Variants in ABCG1 observed in about 807,000 individuals in gnomAD.
ABCG1 encodes ATP-binding cassette sub-family G member 1.
ABCG1 carries 29 observed loss-of-function variants against 69.2 expected under a neutral mutation model. The ratio of observed to expected loss-of-function variants is 0.42; its 90% CI spans 0.31 to 0.57. The LOEUF (loss-of-function observed/expected upper bound fraction) is 0.57, where lower values mean the gene tolerates loss of function less well. Ranked by LOEUF, ABCG1 falls within the 20% of genes least tolerant of loss-of-function variation. The pLI is 0.15. For missense variants in ABCG1, 718 were observed against 898.1 expected, an observed-to-expected ratio of 0.80 and a Z score of 2.56; for synonymous variants, 370 against 374.8, an observed-to-expected ratio of 0.99 and a Z score of 0.15.
At chr21:42,214,292 C>T (rs368116396), upstream of ABCG1, among the ~76,000 whole-genome samples, 6 of 152,328 alleles carry the variant, frequency 3.9e-5, no homozygotes, top group Middle Eastern at 3.4e-3. Flanking sequence ...GACACAGAGG[C>T]GCCATCTATG....
At chr21:42,260,445 G>A (rs1224558294) in intron 2 of ABCG1, among the ~76,000 whole-genome samples, 1 of 152,120 alleles carries the variant, frequency 6.6e-6, no homozygotes, top group East Asian at 1.9e-4. Flanking sequence ...ATTTTGTTTG[G>A]GTTCTTTTGA....
In ABCG1 at chr21:42,277,070, G is replaced by A. The variant is rs112352275; in HGVS notation, c.588+125G>A. Reference sequence around the variant, plus strand: ...TTGATTTGTTTTTGCCTTGCCTTCCGTGTGTGGGACAGGCAACATTTCAGG... The same window carrying A: ...TTGATTTGTTTTTGCCTTGCCTTCCATGTGTGGGACAGGCAACATTTCAGG... On this transcript the variant is annotated intron_variant, in intron 5 of 14. Coordinates refer to ENST00000398449, the MANE Select transcript of ABCG1 (RefSeq NM_016818.3). 15,736 of 1,024,960 alleles carry A rather than the reference G, an allele frequency of 0.015. 335 individuals carry two copies. Among genetic ancestry groups the A allele is most frequent in the African/African-American group, 0.085 (5,417 of 63,858 alleles). The allele number at this position is 1,024,960 out of a possible 1,614,324, so 63.5% of individuals were successfully genotyped here.
Position 42,287,436 on chromosome 21 carries a change from T to C in ABCG1, c.974-453T>C, listed in dbSNP as rs77352021. ...AGGGTGCCAGCCACTCATGTGGCGA[T>C]GGGCACGTCCTTCTCTGCCATCTTG... On this transcript the variant is annotated intron_variant, in intron 8 of 14. Transcript: ENST00000398449. This position sits in a 1 kb window ranked among gnomAD's most constrained non-coding sequence, Gnocchi z 6.2. 0.091 allele frequency among the ~76,000 whole-genome samples: 13,896 copies of C among 152,184 alleles called. 726 individuals carry two copies. Among genetic ancestry groups the C allele is most frequent in the Middle Eastern group, 0.12 (35 of 294 alleles).
chr21:42,251,445 C>G (rs945989221), intron 2 of ABCG1, among the ~76,000 whole-genome samples: 1 of 152,178 alleles, frequency 6.6e-6, no homozygotes, highest in African/African-American at 2.4e-5. Context: ...AATAAGGACT[C>G]GATGTAGGAT....
chr21:42,269,629 G>C (rs1009151735), intron 2 of ABCG1, among the ~76,000 whole-genome samples: 2 of 152,234 alleles, frequency 1.3e-5, no homozygotes, highest in African/African-American at 4.8e-5. Flanking sequence ...GCAGTCCCAA[G>C]CTTCCTGACT....
Position 42,291,381 on chromosome 21 carries a change from C to G in ABCG1, c.1495-117C>G, listed in dbSNP as rs1601457441. ...GAGCTGTGGGGAGTGGGGAAGGACC[C>G]GACTTTGGGAGCTCTGGCGGGAGCT... On this transcript the variant is annotated intron_variant, in intron 12 of 14. Coordinates refer to ENST00000398449, the MANE Select transcript of ABCG1 (RefSeq NM_016818.3). The surrounding 1 kb of genome is among the most constrained non-coding windows in gnomAD (Gnocchi z 6.4). 2 of 1,432,216 alleles carry G rather than the reference C, an allele frequency of 1.4e-6. No homozygotes were observed. The highest frequency in any genetic ancestry group is 1.4e-5 in the African/African-American group (1 of 71,060). The allele number at this position is 1,432,216 out of a possible 1,614,324, so 88.7% of individuals were successfully genotyped here. A position where few individuals can be genotyped will look rare whatever the true frequency, so the allele number is the denominator to read the frequency against.
chr21:42,237,476 C>T (rs897246218), intron 2 of ABCG1, among the ~76,000 whole-genome samples: 3 of 152,218 alleles, frequency 2.0e-5, no homozygotes, highest in African/African-American at 7.2e-5. Flanking sequence ...CTTGGTTACT[C>T]TTCGTACTCC....
chr21:42,289,912 A>G, intron 10 of ABCG1, 138 bp from the exon 11 acceptor site: 1 of 896,996 alleles, frequency 1.1e-6, no homozygotes. Context: ...GTTTCTCTGG[A>G]GGAGAAGACA....
intron 2 of ABCG1, among the ~76,000 whole-genome samples, chr21:42,246,072 A>G (rs187442495): frequency 1.5e-3 from 236 of 152,306 alleles, no homozygotes; most frequent in African/African-American, 5.4e-3. Flanking sequence ...AGGTGGCAAG[A>G]GCCAGCTGAT....
At chr21:42,222,243 C>T (rs548598730) in intron 1 of ABCG1, among the ~76,000 whole-genome samples, 34 of 152,284 alleles carry the variant, frequency 2.2e-4, no homozygotes, top group African/African-American at 6.5e-4. Flanking sequence ...CCTACATTGC[C>T]GGCAGCTCTC....
At chr21:42,280,160 G>T (rs1420616832) in intron 5 of ABCG1, among the ~76,000 whole-genome samples, 6 of 152,232 alleles carry the variant, frequency 3.9e-5, no homozygotes, top group African/African-American at 9.6e-5. Flanking sequence ...CATGGCACAG[G>T]TGCATGCCTC....
chr21:42,232,983 G>A (rs377752140), intron 2 of ABCG1, among the ~76,000 whole-genome samples: 11 of 152,328 alleles, frequency 7.2e-5, no homozygotes, highest in Admixed American at 2.6e-4. Flanking sequence ...TGTCATGGAG[G>A]TGCATTCATC....
chr21:42,251,929 C>T (rs991882260), intron 2 of ABCG1, among the ~76,000 whole-genome samples: 9 of 152,230 alleles, frequency 5.9e-5, no homozygotes, highest in Non-Finnish European at 8.8e-5. Context: ...GCATCATCTC[C>T]GTGTCCGTCG....
chr21:42,241,961 G>A (rs1209747250), intron 2 of ABCG1, among the ~76,000 whole-genome samples: 1 of 129,022 alleles, frequency 7.8e-6, no homozygotes, highest in African/African-American at 3.1e-5. Flanking sequence ...CTGGACAACA[G>A]AGCAAGACCC....
At chr21:42,211,903 A>AAAAAC (rs755546108), upstream of ABCG1, among the ~76,000 whole-genome samples, 8 of 152,182 alleles carry the variant, frequency 5.3e-5, no homozygotes, top group South Asian at 2.1e-4. Flanking sequence ...ACAAAAATCA[A>AAAAAC]AAAACAAAAC....
At chr21:42,227,458 CGTCT>C (rs998780687) in intron 2 of ABCG1, among the ~76,000 whole-genome samples, 11 of 152,160 alleles carry the variant, frequency 7.2e-5, no homozygotes, top group African/African-American at 2.7e-4. Context: ...GATTCCTGTC[CGTCT>C]GTTATGTGTG....
chr21:42,205,019 T>G (rs1193600070), intron 2 of ABCG1, among the ~76,000 whole-genome samples: 1 of 131,356 alleles, frequency 7.6e-6, no homozygotes, highest in Non-Finnish European at 1.6e-5. Flanking sequence ...GTTTTTGTTG[T>G]TTTTTTTTTT....
At chr21:42,202,485 G>T (rs967048642) in intron 2 of ABCG1, among the ~76,000 whole-genome samples, 1 of 152,046 alleles carries the variant, frequency 6.6e-6, no homozygotes, top group Non-Finnish European at 1.5e-5. Flanking sequence ...GTTAGAGGAG[G>T]GGTGTGATCT....
At chr21:42,209,897 C>T (rs1010872253) in intron 2 of ABCG1, among the ~76,000 whole-genome samples, 5 of 152,176 alleles carry the variant, frequency 3.3e-5, no homozygotes, top group Non-Finnish European at 7.3e-5. Flanking sequence ...TTTAAAGAGC[C>T]GCCATCTGGC....
Sources: allele counts gnomAD v4.1 joint callset (sites outside exome capture counted in the v4.1 genomes callset), GRCh38; gene constraint gnomAD v4.1.1; non-coding constraint Gnocchi (gnomAD v3.1); transcripts MANE v1.5; gene names NCBI Gene and HGNC (gene_info 2026-07-23, HGNC 2026-07-21).